MAGED1: variants seen among roughly 807,000 people sequenced by gnomAD.
MAGED1 encodes the protein melanoma-associated antigen D1.
Under a neutral mutation model 54.1 loss-of-function variants are expected in MAGED1, and 3 were observed. That is an observed-to-expected ratio of 0.06 (90% CI 0.03 to 0.14). The LOEUF (loss-of-function observed/expected upper bound fraction) is 0.14. MAGED1 is among the 10% of genes least tolerant of loss of function. MAGED1 has a pLI of 1.00. For synonymous variants in MAGED1, 217 were observed against 227.3 expected (o/e 0.95, Z 0.41); for missense variants, 485 against 623.4 (o/e 0.78, Z 2.36).
intron 1 of MAGED1, among the ~76,000 whole-genome samples, chrX:51,872,046 A>G (rs1927698730): frequency 9.0e-6 from 1 of 111,614 alleles, no homozygotes; most frequent in South Asian, 3.8e-4. Flanking sequence ...CATTTTTTTA[A>G]TGTGTTTTTT....
At chrX:51,840,606 C>A (rs1260704472) in intron 1 of MAGED1, among the ~76,000 whole-genome samples, 2 of 107,637 alleles carry the variant, frequency 1.9e-5, no homozygotes, top group Non-Finnish European at 3.8e-5. Flanking sequence ...CACAACGGTC[C>A]CCAGAGTGTG....
At chrX:51,853,830 A>G (rs1557359975) in intron 1 of MAGED1, among the ~76,000 whole-genome samples, 1 of 111,942 alleles carries the variant, frequency 8.9e-6, no homozygotes, top group Non-Finnish European at 1.9e-5. Flanking sequence ...TCCTTGCTAC[A>G]TTTTCTTTGA....
chrX:51,869,894 C>T (rs1180542750), intron 1 of MAGED1, among the ~76,000 whole-genome samples: 5 of 110,762 alleles, frequency 4.5e-5, no homozygotes, highest in African/African-American at 6.6e-5. Flanking sequence ...CAAAAAGAGA[C>T]GGAGTCTTGC....
At chrX:51,828,460 GT>G (rs1213822426) in intron 1 of MAGED1, among the ~76,000 whole-genome samples, 22 of 105,496 alleles carry the variant, frequency 2.1e-4, no homozygotes, top group Admixed American at 5.1e-4. Context: ...CTGACATGTT[GT>G]TTTTTTTTTG....
At chrX:51,809,330 G>A (rs1182897105) in intron 1 of MAGED1, among the ~76,000 whole-genome samples, 2 of 111,041 alleles carry the variant, frequency 1.8e-5, no homozygotes, top group African/African-American at 3.3e-5. Flanking sequence ...TAGCCAGGAT[G>A]GTCTCGACCT....
intron 1 of MAGED1, among the ~76,000 whole-genome samples, chrX:51,825,621 C>T (rs1288590649): frequency 8.9e-6 from 1 of 111,795 alleles, no homozygotes; most frequent in Non-Finnish European, 1.9e-5. Flanking sequence ...GATCTGTATA[C>T]ATCTTGGGGC....
In MAGED1 at chrX:51,896,569, C is replaced by T. The variant is rs953337601; in HGVS notation, c.914C>T (p.Pro305Leu). Reference sequence around the variant, plus strand: ...CAGACGCCATTGGCTTGGCAGAACCCCTCAGGCTGGCAAAACCAGACAGCC... The same window carrying T: ...CAGACGCCATTGGCTTGGCAGAACCTCTCAGGCTGGCAAAACCAGACAGCC... ...LWQTPLAWQNPSGWQNQTARQ... is the reference protein window; with the variant it reads ...LWQTPLAWQNLSGWQNQTARQ... Residue 305 changes from proline to leucine, a missense_variant, in exon 4 of 13, where the codon CCC becomes CTC. Pro to Leu is a moderately conservative substitution (Grantham distance 98, BLOSUM62 -3). Coordinates refer to ENST00000326587, the MANE Select transcript of MAGED1 (RefSeq NM_006986.4). 2 of 1,211,786 alleles carry T rather than the reference C, an allele frequency of 1.7e-6. No individual in the cohort carries two copies. The highest frequency in any genetic ancestry group is 2.2e-6 in the Non-Finnish European group (2 of 895,513).
chrX:51,805,965 CTTTTTTTTTTTTTTTTTTTT>C (rs57427122), intron 1 of MAGED1, among the ~76,000 whole-genome samples: 1 of 36,948 alleles, frequency 2.7e-5, no homozygotes, highest in Non-Finnish European at 4.3e-5. Context: ...CTTTTCTTTT[CTTTTTTTTTTTTTTTTTTTT>C]TTTTTTTTGA....
intron 7 of MAGED1, 38 bp downstream of exon 7, chrX:51,897,924 G>A (rs1557364506): frequency 2.8e-6 from 3 of 1,077,391 alleles, no homozygotes; most frequent in Non-Finnish European, 3.8e-6. Context: ...GCCTTTCTCA[G>A]TGGTGCTTTT....
intron 1 of MAGED1, among the ~76,000 whole-genome samples, chrX:51,875,809 T>G (rs1474163767): frequency 9.0e-6 from 1 of 111,405 alleles, no homozygotes; most frequent in Admixed American, 9.5e-5. Context: ...CAAGGATAAC[T>G]CCTCATGACT....
At chrX:51,839,302 T>C (rs1926369101) in intron 1 of MAGED1, among the ~76,000 whole-genome samples, 1 of 111,979 alleles carries the variant, frequency 8.9e-6, no homozygotes. Context: ...AAGTTACTAG[T>C]GTGTCCACAT....
At chrX:51,814,282 T>C in intron 1 of MAGED1, among the ~76,000 whole-genome samples, 1 of 111,788 alleles carries the variant, frequency 8.9e-6, no homozygotes, top group African/African-American at 3.2e-5. Context: ...CCGCTGCCGC[T>C]GCTGCTACCG....
At chrX:51,830,009 A>T (rs782690916) in intron 1 of MAGED1, among the ~76,000 whole-genome samples, 1 of 111,715 alleles carries the variant, frequency 9.0e-6, no homozygotes, top group South Asian at 3.8e-4. Context: ...ATTGTGAAAA[A>T]CTGGAAATAA....
rs1557364291 is a variant in MAGED1, at chrX:51,896,627, A to T, written c.972A>T (p.Pro324=). ...RQTPPARQSP[P]ARQTPPAWQN... ...CCCCACCAGCACGTCAGAGCCCTCC[A>T]GCTAGGCAGACCCCACCAGCCTGGC... Residue 324 remains proline, a synonymous_variant, in exon 4 of 13, where the codon CCA becomes CCT. Coordinates refer to ENST00000326587, the MANE Select transcript of MAGED1 (RefSeq NM_006986.4). The T allele has an allele frequency of 1.6e-6, 2 of 1,212,139 alleles. No homozygotes were observed. The highest frequency in any genetic ancestry group is 3.5e-5 in the South Asian group (2 of 57,002).
At chrX:51,868,778 C>T (rs1315883812) in intron 1 of MAGED1, among the ~76,000 whole-genome samples, 2 of 110,783 alleles carry the variant, frequency 1.8e-5, no homozygotes, top group Non-Finnish European at 3.8e-5. Context: ...GGTGTAATGT[C>T]ATTATGGAAG....
intron 1 of MAGED1, among the ~76,000 whole-genome samples, chrX:51,806,164 G>A (rs145367362): frequency 0.13 from 13,979 of 107,390 alleles, 802 homozygotes; most frequent in Non-Finnish European, 0.18. Context: ...AGTAGAGACG[G>A]GGTTTCACCA....
At chrX:51,805,516 G>A (rs782187615) in intron 1 of MAGED1, among the ~76,000 whole-genome samples, 1 of 110,104 alleles carries the variant, frequency 9.1e-6, no homozygotes, top group African/African-American at 3.3e-5. Flanking sequence ...AAGACAATCC[G>A]GGTATAGAAA....
intron 1 of MAGED1, among the ~76,000 whole-genome samples, chrX:51,825,203 G>C (rs970427146): frequency 9.1e-5 from 10 of 110,408 alleles, no homozygotes; most frequent in Non-Finnish European, 1.7e-4. Context: ...TGAAGGGGAA[G>C]AGGCCATGGA....
intron 1 of MAGED1, among the ~76,000 whole-genome samples, chrX:51,888,345 G>A (rs1157781185): frequency 9.0e-6 from 1 of 111,579 alleles, no homozygotes; most frequent in Non-Finnish European, 1.9e-5. Context: ...AATCAAAGAG[G>A]ATATATGGAT....
Sources: allele counts gnomAD v4.1 joint callset (sites outside exome capture counted in the v4.1 genomes callset), GRCh38; gene constraint gnomAD v4.1.1; transcripts MANE v1.5; gene names NCBI Gene and HGNC (gene_info 2026-07-23, HGNC 2026-07-21).